The following PACRGL variants were observed in gnomAD, a reference collection of about 807,000 sequenced individuals.
The protein encoded by PACRGL is PACRG-like protein.
In PACRGL, 38 loss-of-function variants were observed where a neutral mutation model predicts 34.5. That is an observed-to-expected ratio of 1.10 (90% CI 0.85 to 1.44). The LOEUF is 1.44. PACRGL is among the 40% of genes most tolerant of loss of function. The pLI, the probability that PACRGL is intolerant of heterozygous loss-of-function variation, is 0.00. For missense variants in PACRGL, 305 were observed against 281.4 expected, an observed-to-expected ratio of 1.08 and a Z score of -0.60; for synonymous variants, 128 against 100.1, an observed-to-expected ratio of 1.28 and a Z score of -1.66.
At chr4:20,709,913 C>T in intron 5 of PACRGL, 140 bp downstream of exon 5, 1 of 610,330 alleles carries the variant, frequency 1.6e-6, no homozygotes, top group Middle Eastern at 2.7e-4. Context: ...ACACCACACA[C>T]CCTTAGGAAT....
chr4:20,721,458 A>T (rs1743152632), intron 7 of PACRGL, among the ~76,000 whole-genome samples: 1 of 151,696 alleles, frequency 6.6e-6, no homozygotes, highest in African/African-American at 2.4e-5. Context: ...TTGTGGTTTT[A>T]TGTACCTTTG....
intron 8 of PACRGL, among the ~76,000 whole-genome samples, chr4:20,726,715 T>C (rs905361331): frequency 2.3e-4 from 35 of 152,208 alleles, no homozygotes; most frequent in African/African-American, 8.4e-4. Context: ...TACAGGAAAA[T>C]ATCTGTTACA....
intron 8 of PACRGL, among the ~76,000 whole-genome samples, chr4:20,738,577 A>C (rs949668695): frequency 3.3e-5 from 5 of 152,230 alleles, no homozygotes; most frequent in African/African-American, 1.2e-4. Flanking sequence ...CACACAAAAC[A>C]GCAGAGAAAC....
intron 8 of PACRGL, among the ~76,000 whole-genome samples, chr4:20,752,161 C>T (rs1174932504): frequency 2.7e-5 from 4 of 148,418 alleles, no homozygotes; most frequent in East Asian, 2.0e-4. Context: ...TGGGTTCAAG[C>T]GATTCTCCTG....
At chr4:20,717,212 C>G (rs543813748) in intron 7 of PACRGL, among the ~76,000 whole-genome samples, 14 of 152,104 alleles carry the variant, frequency 9.2e-5, no homozygotes, top group South Asian at 4.2e-4. Context: ...TGTTTGAGTT[C>G]TTTGTGGATT....
At chr4:20,744,017 C>G (rs1053786230) in intron 8 of PACRGL, among the ~76,000 whole-genome samples, 12 of 152,086 alleles carry the variant, frequency 7.9e-5, no homozygotes, top group African/African-American at 2.9e-4. Context: ...AAAAAATGCT[C>G]ATCATCACTG....
Position 20,731,883 on chromosome 4 carries a change from T to C in PACRGL, c.*4542T>C. On this transcript the variant is annotated 3_prime_UTR_variant, in exon 9 of 9. Transcript: ENST00000503585. ...AGTGGTAGGCTTATGCTGCATGTTG[T>C]AGAAGTGGTAAACTTAGGCATATGA... is the stretch of plus-strand genomic sequence containing the variant. The C allele has an allele frequency of 1.4e-6, 2 of 1,470,136 alleles. No homozygotes were observed. The highest frequency in any genetic ancestry group is 1.4e-5 in the African/African-American group (1 of 70,794). 91.1% of individuals were successfully genotyped at this position (1,470,136 alleles called of 1,614,324 possible).
At chr4:20,716,440 T>C (rs761773282) in intron 7 of PACRGL, among the ~76,000 whole-genome samples, 59 of 152,176 alleles carry the variant, frequency 3.9e-4, no homozygotes, top group Non-Finnish European at 3.2e-4. Context: ...TGTTGGTGTG[T>C]TGAACCCAGT....
At chr4:20,765,843 T>C in the PACRGL span, among the ~76,000 whole-genome samples, 1 of 152,196 alleles carries the variant, frequency 6.6e-6, no homozygotes, top group Non-Finnish European at 1.5e-5. Flanking sequence ...TTTGGGGCCT[T>C]ACTGCTGTGT....
chr4:20,708,153 C>G (rs1021144895), intron 4 of PACRGL, among the ~76,000 whole-genome samples: 8 of 152,056 alleles, frequency 5.3e-5, no homozygotes, highest in African/African-American at 1.9e-4. Flanking sequence ...CATTTGCAGG[C>G]TTGGGCAAGT....
chr4:20,713,240 T>G, intron 6 of PACRGL, 192 bp from the exon 7 acceptor site: 1 of 581,940 alleles, frequency 1.7e-6, no homozygotes, highest in South Asian at 2.5e-5. Context: ...GGAAAATTTG[T>G]TTTTTGCTTC....
intron 8 of PACRGL, among the ~76,000 whole-genome samples, chr4:20,752,261 G>C (rs894129051): frequency 6.6e-6 from 1 of 151,734 alleles, no homozygotes; most frequent in African/African-American, 2.4e-5. Context: ...GTTTCATCAC[G>C]TTGGCCAGAC....
chr4:20,758,734 A>G, the PACRGL span: 1 of 947,224 alleles, frequency 1.1e-6, no homozygotes, highest in South Asian at 1.5e-5. Context: ...TTAAAAATGT[A>G]GCATCATGCT....
In PACRGL at chr4:20,732,522, T is replaced by G. The variant is rs983646179; in HGVS notation, c.*5181T>G. ...AAATGCAGTTATCAGCATTGTAAAT[T>G]CAAAACCAAAGCTATTAAATTAATA... On this transcript the variant is annotated 3_prime_UTR_variant, in exon 9 of 9. Coordinates refer to ENST00000503585, the MANE Select transcript of PACRGL (RefSeq NM_001258345.3). Among the ~76,000 whole-genome samples the G allele has an allele frequency of 6.6e-6, 1 of 152,208 alleles. No homozygotes were observed. The highest frequency in any genetic ancestry group is 1.5e-5 in the Non-Finnish European group (1 of 68,026).
chr4:20,705,163 A>G (rs1013441695), intron 3 of PACRGL, among the ~76,000 whole-genome samples: 2 of 117,894 alleles, frequency 1.7e-5, no homozygotes, highest in Admixed American at 9.2e-5. Context: ...CTATAGTTGC[A>G]TAAAGGTCTC....
intron 8 of PACRGL, among the ~76,000 whole-genome samples, chr4:20,738,283 C>T (rs886426710): frequency 7.2e-5 from 11 of 152,114 alleles, no homozygotes; most frequent in Non-Finnish European, 1.2e-4. Context: ...AAATTCACAG[C>T]GTAGTAATAA....
rs73805128 is a variant in PACRGL at position 20,725,223 on chromosome 4, A to C, written c.690+335A>C. On this transcript the variant is annotated intron_variant, in intron 8 of 8. Transcript: ENST00000503585. ...AGTTTTGACCATCGAAAAGTTCAGAAAACCGAACGATTAACTTAGCTCTTT... is the reference window on the plus strand; with the variant it reads ...AGTTTTGACCATCGAAAAGTTCAGACAACCGAACGATTAACTTAGCTCTTT... Among the ~76,000 whole-genome samples, 806 of 152,228 alleles carry C rather than the reference A, an allele frequency of 5.3e-3. 10 individuals are homozygous for C. Among genetic ancestry groups the C allele is most frequent in the African/African-American group, 0.018 (749 of 41,540 alleles).
chr4:20,713,079 T>C, intron 6 of PACRGL, 157 bp downstream of exon 6: 1 of 751,196 alleles, frequency 1.3e-6, no homozygotes, highest in Non-Finnish European at 2.0e-6. Flanking sequence ...AGGCAACTGT[T>C]ACTCAGGGCC....
intron 4 of PACRGL, 104 bp from the exon 5 acceptor site, chr4:20,709,579 A>G (rs1022889380): frequency 4.4e-6 from 3 of 676,834 alleles, no homozygotes; most frequent in Non-Finnish European, 7.3e-6. Context: ...GTATTCCTAC[A>G]TGTTACAAAA....
Sources: gnomAD v4.1 joint callset for allele counts (sites outside exome capture counted in the v4.1 genomes callset) on GRCh38, gnomAD v4.1.1 for gene constraint, MANE v1.5 for transcripts, NCBI Gene and HGNC (gene_info 2026-07-23, HGNC 2026-07-21) for gene names.